Variants in XIRP1 observed in about 807,000 individuals in gnomAD.
XIRP1 encodes the protein xin actin binding repeat containing 1.
For synonymous variants in XIRP1, 984 were observed against 947.0 expected (o/e 1.04, Z -0.72); for missense variants, 2,378 against 2,345.4 (o/e 1.01, Z -0.29).
In XIRP1 at chr3:39,185,565, G is replaced by A; in HGVS notation, c.3881C>T (p.Ser1294Phe). Residue 1294 changes from serine to phenylalanine, a missense_variant, in exon 2 of 2, where the codon TCC becomes TTC. By Grantham distance (155) the Ser-to-Phe change is radical. Coordinates refer to ENST00000340369, the MANE Select transcript of XIRP1 (RefSeq NM_194293.4). The part of the protein sequence containing the change: ...SEPLKDPLLH[S>F]HSSPAGQRTP... ...TCTCTGGCCAGCAGGGCTGCTGTGG[G>A]AGTGAAGAAGGGGGTCCTTCAGGGG... 1.3e-6 allele frequency: 2 copies of A among 1,577,754 alleles called. No individual in the cohort carries two copies. The highest frequency in any genetic ancestry group is 1.7e-6 in the Non-Finnish European group (2 of 1,160,770).
At position 39,188,714 on chromosome 3, in the gene XIRP1, C is replaced by G; in HGVS notation, c.732G>C (p.Gln244His). ...LFQTEPLCAI[Q>H]DAEGAIHEVK... ...CCTCATGGATGGCGCCCTCTGCATCCTGGATGGCACACAGGGGCTCCGTTT... is the reference window on the plus strand; with the variant it reads ...CCTCATGGATGGCGCCCTCTGCATCGTGGATGGCACACAGGGGCTCCGTTT... Residue 244 changes from glutamine (Q) to histidine (H), a missense_variant, in exon 2 of 2, where the codon CAG becomes CAC. By Grantham distance (24) the Gln-to-His change is conservative. Transcript: ENST00000340369. 1 of 1,613,780 alleles carries G rather than the reference C, an allele frequency of 6.2e-7. No individual in the cohort carries two copies. The highest frequency in any genetic ancestry group is 8.5e-7 in the Non-Finnish European group (1 of 1,180,044).
chr3:39,188,833 A>AG lies in XIRP1; in HGVS notation c.612dup (p.Ser205LeufsTer23). The AG allele has an allele frequency of 6.2e-7, 1 of 1,612,726 alleles. No individual in the cohort carries two copies. Among genetic ancestry groups the AG allele is most frequent in the Non-Finnish European group, 8.5e-7 (1 of 1,179,994 alleles). ...CTCTGCTCCTGCAGGGAGGGGCGGGAGCCCAGGCGGTCCAGCGGCCGCGTC... is the reference window on the plus strand; with the variant it reads ...CTCTGCTCCTGCAGGGAGGGGCGGGAGGCCCAGGCGGTCCAGCGGCCGCGTC... On this transcript the variant is annotated frameshift_variant, in exon 2 of 2. Coordinates refer to ENST00000340369, the MANE Select transcript of XIRP1 (RefSeq NM_194293.4). LOFTEE classifies it low-confidence loss of function (END_TRUNC).
rs1237030965 is a variant in XIRP1, at chr3:39,185,044, G to A, written c.4402C>T (p.Gln1468Ter). The A allele has an allele frequency of 6.6e-7, 1 of 1,521,164 alleles. No homozygotes were observed. Among genetic ancestry groups the A allele is most frequent in the Non-Finnish European group, 8.8e-7 (1 of 1,138,028 alleles). 94.2% of individuals were successfully genotyped at this position (1,521,164 alleles called of 1,614,324 possible). ...TTCAGGAGGCCCTGGAGCTCTTTCT[G>A]GTTTCTTTGCAGACTGTCAGGGCTC... ...PESPDSLQRN[Q>*]KELQGLLNQV... The change falls in exon 2 of 2, where the codon CAG becomes TAG. Residue 1468 changes from glutamine to a stop codon, truncating the protein, a stop_gained. Coordinates refer to ENST00000340369, the MANE Select transcript of XIRP1 (RefSeq NM_194293.4). LOFTEE classifies it low-confidence loss of function (END_TRUNC).
chr3:39,185,951 C>G lies in XIRP1; in HGVS notation c.3495G>C (p.Gln1165His), dbSNP rs1418819745. The change falls in exon 2 of 2, where the codon CAG becomes CAC. Residue 1165 changes from glutamine (Q) to histidine (H), a missense_variant. By Grantham distance (24) the Gln-to-His change is conservative. Transcript: ENST00000340369. Reference sequence around the variant, plus strand: ...AGAGGGCAGTCTCCCTGTGCCTTGACTGGGGTTCCCTCTGAGAAAGCTGGA... The same window carrying G: ...AGAGGGCAGTCTCCCTGTGCCTTGAGTGGGGTTCCCTCTGAGAAAGCTGGA... Reference protein sequence around the residue: ...GGVQLSQREPQSRHRETALSV... With the variant: ...GGVQLSQREPHSRHRETALSV... 1 of 1,614,076 alleles carries G rather than the reference C, an allele frequency of 6.2e-7. No individual in the cohort carries two copies. The highest frequency in any genetic ancestry group is 8.5e-7 in the Non-Finnish European group (1 of 1,179,968).
In XIRP1 at chr3:39,188,455, G is replaced by A; in HGVS notation, c.991C>T (p.Pro331Ser). Residue 331 changes from proline (P) to serine (S), a missense_variant, in exon 2 of 2, where the codon CCA becomes TCA. Coordinates refer to ENST00000340369, the MANE Select transcript of XIRP1 (RefSeq NM_194293.4). ...CCAGGTGGGATAAGGTCTGGGGATG[G>A]CTGGAAGTCCTTCTCATCTACCAAG... Reference protein sequence around the residue: ...EILVDEKDFQPSPDLIPPGPD... With the variant: ...EILVDEKDFQSSPDLIPPGPD... 1 of 1,602,274 alleles carries A rather than the reference G, an allele frequency of 6.2e-7. No homozygotes were observed. The highest frequency in any genetic ancestry group is 1.3e-5 in the African/African-American group (1 of 74,712).
Position 39,188,792 on chromosome 3 carries a change from G to A in XIRP1, c.654C>T (p.Arg218=). Residue 218 remains arginine, a synonymous_variant, in exon 2 of 2, where the codon CGC becomes CGT. Coordinates refer to ENST00000340369, the MANE Select transcript of XIRP1 (RefSeq NM_194293.4). The part of the protein sequence containing the change: ...SLQEQSPLEL[R]SEIQELKGDV... ...CACCCTTCAGCTCCTGGATCTCTGA[G>A]CGCAGTTCCAAGGGGCTCTGCTCCT... The A allele has an allele frequency of 6.2e-7, 1 of 1,613,570 alleles. No individual in the cohort carries two copies. The highest frequency in any genetic ancestry group is 2.2e-5 in the East Asian group (1 of 44,884).
chr3:39,186,922 G>T lies in XIRP1; in HGVS notation c.2524C>A (p.Gln842Lys). Residue 842 changes from glutamine (Q) to lysine (K), a missense_variant, in exon 2 of 2, where the codon CAG becomes AAG. Gln to Lys is a moderately conservative substitution (Grantham distance 53). Transcript: ENST00000340369. The part of the protein sequence containing the change: ...CQVLRRPDVD[Q>K]QGLLVQEDPT... ...TCTTCCTGCACCAGCAGCCCCTGCT[G>T]GTCCACATCTGGCCGGCGCAGGACT... The T allele has an allele frequency of 6.2e-7, 1 of 1,613,962 alleles. No homozygotes were observed.
In XIRP1 at chr3:39,184,508, C is replaced by T. The variant is rs757121877; in HGVS notation, c.4938G>A (p.Arg1646=). ...HTASTAPSTR[R]QETSREYLCP... The stretch of plus-strand genomic sequence containing the variant: ...ACAAATACTCTCTTGATGTCTCCTG[C>T]CTCCTGGTGGAAGGGGCAGTTGAGG... The change falls in exon 2 of 2, where the codon AGG becomes AGA. Residue 1646 remains arginine (R), a synonymous_variant. Transcript: ENST00000340369. The T allele has an allele frequency of 9.3e-6, 15 of 1,613,906 alleles. No individual in the cohort carries two copies. The South Asian group carries it at 1.6e-4, about 18-fold the overall frequency.
Position 39,188,872 on chromosome 3 carries a change from T to C in XIRP1, c.574A>G (p.Arg192Gly). ...PAASGDVQGT[R>G]MLFETRPLDR... ...AGCGGCCGCGTCTCAAAGAGCATCC[T>C]GGTACCCTGCACATCTCCGCTGGCT... Residue 192 changes from arginine to glycine, a missense_variant, in exon 2 of 2, where the codon AGG becomes GGG. By Grantham distance (125) the Arg-to-Gly change is moderately radical. Coordinates refer to ENST00000340369, the MANE Select transcript of XIRP1 (RefSeq NM_194293.4). 6.2e-7 allele frequency: 1 copy of C among 1,612,834 alleles called. No homozygotes were observed. The highest frequency in any genetic ancestry group is 8.5e-7 in the Non-Finnish European group (1 of 1,180,038).
Position 39,183,780 on chromosome 3 carries a change from G to A in XIRP1, c.*134C>T, listed in dbSNP as rs1271959629. On this transcript the variant is annotated 3_prime_UTR_variant, in exon 2 of 2. Coordinates refer to ENST00000340369, the MANE Select transcript of XIRP1 (RefSeq NM_194293.4). ...ATTGAAAGAACTGCGAAAGGGAAAT[G>A]GCCCACAGTAATCCTCTGAAGATGC... 7.4e-7 allele frequency: 1 copy of A among 1,345,286 alleles called. No individual in the cohort carries two copies. The allele number at this position is 1,345,286 out of a possible 1,614,324, so 83.3% of individuals were successfully genotyped here. A position where few individuals can be genotyped will look rare whatever the true frequency, so the allele number is the denominator to read the frequency against.
rs2040060139 is a variant in XIRP1, at chr3:39,189,644, G to A, written c.-80-119C>T. ...TGGGCTTCACTTCGCTGCCTGCATG[G>A]TTCGTGGGCAACAGGTCTTGAACTT... is the stretch of plus-strand genomic sequence containing the variant. On this transcript the variant is annotated intron_variant, in intron 1 of 1. Transcript: ENST00000340369. The A allele has an allele frequency of 1.1e-5, 8 of 747,696 alleles. No individual in the cohort carries two copies. In the East Asian group the frequency reaches 2.2e-4, roughly 21 times the overall value. The allele number at this position is 747,696 out of a possible 1,614,324, so 46.3% of individuals were successfully genotyped here.
In XIRP1 at chr3:39,186,687, G is replaced by T. The variant is rs2039980566; in HGVS notation, c.2759C>A (p.Ala920Asp). ...CAGCTGCACGCTGCTCCTCTCAGAG[G>T]CCTTGCTAGTTAGCCGGGGCTGCAG... ...YSLQPRLTSK[A>D]SERSSVQLLA... is the part of the protein sequence containing the mutation. The change falls in exon 2 of 2, where the codon GCC (alanine) becomes GAC (aspartate). Residue 920 changes from alanine to aspartate, a missense_variant. Ala to Asp is a moderately radical substitution (Grantham distance 126, BLOSUM62 -2). Coordinates refer to ENST00000340369, the MANE Select transcript of XIRP1 (RefSeq NM_194293.4). 1 of 1,613,948 alleles carries T rather than the reference G, an allele frequency of 6.2e-7. No homozygotes were observed. Among genetic ancestry groups the T allele is most frequent in the South Asian group, 1.1e-5 (1 of 91,086 alleles).
At position 39,187,006 on chromosome 3, in the gene XIRP1, G is replaced by T; in HGVS notation, c.2440C>A (p.His814Asn). Reference protein sequence around the residue: ...KYVLSGTGQGHPYIRKEELVS... With the variant: ...KYVLSGTGQGNPYIRKEELVS... Reference sequence around the variant, plus strand: ...AGCTCCTCCTTTCGTATATAAGGGTGCCCCTGCCCTGTGCCCGAGAGCACA... The same window carrying T: ...AGCTCCTCCTTTCGTATATAAGGGTTCCCCTGCCCTGTGCCCGAGAGCACA... Residue 814 changes from histidine (H) to asparagine (N), a missense_variant, in exon 2 of 2, where the codon CAC becomes AAC. By Grantham distance (68) the His-to-Asn change is moderately conservative. Transcript: ENST00000340369. 3.1e-6 allele frequency: 5 copies of T among 1,605,784 alleles called. No individual in the cohort carries two copies. The highest frequency in any genetic ancestry group is 4.3e-6 in the Non-Finnish European group (5 of 1,173,148).
rs758352350 is a variant in XIRP1 at position 39,187,870 on chromosome 3, G to A, written c.1576C>T (p.Arg526Ter). 20 of 1,614,012 alleles carry A rather than the reference G, an allele frequency of 1.2e-5. No individual in the cohort carries two copies. In the Admixed American group the frequency reaches 1.8e-4, roughly 15 times the overall value. ...ACCACGTCGATGGTACTGGGGCTTCGGCCGAGCTGGTCTAGGGGCTGTGTC... is the reference window on the plus strand; with the variant it reads ...ACCACGTCGATGGTACTGGGGCTTCAGCCGAGCTGGTCTAGGGGCTGTGTC... ...FETQPLDQLG[R>*]SPSTIDVVRG... is the part of the protein sequence containing the mutation. Residue 526 changes from arginine to a stop codon, truncating the protein, a stop_gained, in exon 2 of 2, where the codon CGA becomes TGA. Transcript: ENST00000340369. LOFTEE classifies it low-confidence loss of function (END_TRUNC).
Position 39,186,361 on chromosome 3 carries a change from C to A in XIRP1, c.3085G>T (p.Gly1029Trp). Residue 1029 changes from glycine (G) to tryptophan (W), a missense_variant, in exon 2 of 2, where the codon GGG (glycine) becomes TGG (tryptophan). Physicochemically the swap from Gly to Trp is radical, Grantham distance 184. Transcript: ENST00000340369. ...TCTGACTTTCCCAAGACTGCCATCC[C>A]TTTCTGTCCAGAGTGACTGTCTTCC... The part of the protein sequence containing the change: ...KQEDSHSGQK[G>W]MAVLGKSEGA... 6.2e-7 allele frequency: 1 copy of A among 1,614,236 alleles called. No homozygotes were observed. The highest frequency in any genetic ancestry group is 8.5e-7 in the Non-Finnish European group (1 of 1,180,048).
Position 39,186,026 on chromosome 3 carries a change from A to C in XIRP1, c.3420T>G (p.Asp1140Glu). 1 of 1,613,708 alleles carries C rather than the reference A, an allele frequency of 6.2e-7. No individual in the cohort carries two copies. The highest frequency in any genetic ancestry group is 1.1e-5 in the South Asian group (1 of 91,052). ...GLPGGWVTIQ[D>E]GIYTAHPVRT... ...TCACGGGATGAGCGGTGTAGATGCC[A>C]TCCTGAATTGTCACCCACCCCCCAG... is the stretch of plus-strand genomic sequence containing the variant. Residue 1140 changes from aspartate (D) to glutamate (E), a missense_variant, in exon 2 of 2, where the codon GAT becomes GAG. Asp to Glu is a conservative substitution (Grantham distance 45, BLOSUM62 2). Coordinates refer to ENST00000340369, the MANE Select transcript of XIRP1 (RefSeq NM_194293.4).
In XIRP1 at chr3:39,187,282, C is replaced by T. The variant is rs375204096; in HGVS notation, c.2164G>A (p.Ala722Thr). 182 of 1,584,808 alleles carry T rather than the reference C, an allele frequency of 1.1e-4. No individual in the cohort carries two copies. In the Admixed American group the frequency reaches 1.7e-3, roughly 15 times the overall value. ...CAAGTGAACTTGTGGACAGAACCCG[C>T]GGGGATGGACCCAGCGATTACCCGG... ...EPRVIAGSIPAGSVHKFTWLF... is the reference protein window; with the variant it reads ...EPRVIAGSIPTGSVHKFTWLF... Residue 722 changes from alanine to threonine, a missense_variant, in exon 2 of 2, where the codon GCG becomes ACG. Coordinates refer to ENST00000340369, the MANE Select transcript of XIRP1 (RefSeq NM_194293.4).
rs2039995357 is a variant in XIRP1, at chr3:39,187,207, C to T, written c.2239G>A (p.Gly747Arg). Residue 747 changes from glycine to arginine, a missense_variant, in exon 2 of 2, where the codon GGG (glycine) becomes AGG (arginine). Gly to Arg is a moderately radical substitution (Grantham distance 125). Coordinates refer to ENST00000340369, the MANE Select transcript of XIRP1 (RefSeq NM_194293.4). ...MGSLAAESIQ[G>R]GNLLEEQPMS... ...GGCTGCTCTTCCAGGAGGTTGCCCC[C>T]TTGGATGCTCTCAGCTGCCAGGGAG... is the stretch of plus-strand genomic sequence containing the variant. 1 of 1,591,792 alleles carries T rather than the reference C, an allele frequency of 6.3e-7. No individual in the cohort carries two copies. The highest frequency in any genetic ancestry group is 8.6e-7 in the Non-Finnish European group (1 of 1,165,508).
Position 39,186,173 on chromosome 3 carries a change from G to A in XIRP1, c.3273C>T (p.Asp1091=), listed in dbSNP as rs61736155. 0.19 allele frequency: 299,052 copies of A among 1,613,590 alleles called. 29,822 individuals are homozygous for A. Among genetic ancestry groups the A allele is most frequent in the Non-Finnish European group, 0.2 (240,002 of 1,179,734 alleles). The change falls in exon 2 of 2, where the codon GAC becomes GAT. Residue 1091 remains aspartate, a synonymous_variant. Coordinates refer to ENST00000340369, the MANE Select transcript of XIRP1 (RefSeq NM_194293.4). ...GGGTAGCCCCAGCTTTCCGAAGACCGTCCTGGATGGGGTTGGAAGTGGCTG... is the reference window on the plus strand; with the variant it reads ...GGGTAGCCCCAGCTTTCCGAAGACCATCCTGGATGGGGTTGGAAGTGGCTG... ...TPTATSNPIQ[D]GLRKAGATQS...
Sources: allele counts gnomAD v4.1 joint callset, GRCh38; gene constraint gnomAD v4.1.1; transcripts MANE v1.5; gene names NCBI Gene and HGNC (gene_info 2026-07-23, HGNC 2026-07-21).